Variants in GRM4 observed in about 807,000 individuals in gnomAD.
GRM4 encodes the protein metabotropic glutamate receptor 4.
In GRM4, 28 loss-of-function variants were observed where a neutral mutation model predicts 81.7. The observed-to-expected ratio is 0.34, with a 90% confidence interval of 0.25 to 0.47. The LOEUF (loss-of-function observed/expected upper bound fraction) is 0.47, where lower values mean the gene tolerates loss of function less well. Among genes scored for constraint, GRM4 ranks in the 20% least tolerant of loss-of-function variants. GRM4 has a pLI of 1.00. For missense variants in GRM4, 948 were observed against 1,290.0 expected (o/e 0.73, Z 4.06); for synonymous variants, 488 against 528.8 (o/e 0.92, Z 1.06).
chr6:34,151,888 G>A (rs999317412), intron 1 of GRM4, among the ~76,000 whole-genome samples: 34 of 152,240 alleles, frequency 2.2e-4, no homozygotes, highest in Admixed American at 1.7e-3. Flanking sequence ...GAGCCTTAGC[G>A]TCATCCACTG....
In GRM4 at chr6:34,114,856, G is replaced by A. The variant is rs1028870372; in HGVS notation, c.519+18122C>T. On this transcript the variant is annotated intron_variant, in intron 2 of 10. Transcript: ENST00000538487. This position sits in a 1 kb window ranked among gnomAD's most constrained non-coding sequence, Gnocchi z 4.3. The stretch of plus-strand genomic sequence containing the variant: ...AGGAAGGACCCAGATTTATTCACTC[G>A]GCAATCCTGCCCATCCCCACCACCT... Among the ~76,000 whole-genome samples, 3 of 152,042 alleles carry A rather than the reference G, an allele frequency of 2.0e-5. No individual in the cohort carries two copies. Among genetic ancestry groups the A allele is most frequent in the African/African-American group, 7.2e-5 (3 of 41,386 alleles).
chr6:34,153,925 C>CA (rs3041982), intron 1 of GRM4, among the ~76,000 whole-genome samples: 11,786 of 129,402 alleles, frequency 0.091, 1,213 homozygotes, highest in African/African-American at 0.25. Flanking sequence ...GACTCTGTCT[C>CA]AAAAAAAAAA....
chr6:34,051,881 C>T (rs1361246508), intron 6 of GRM4, among the ~76,000 whole-genome samples: 4 of 152,170 alleles, frequency 2.6e-5, no homozygotes, highest in Non-Finnish European at 4.4e-5. Context: ...GTGAGGAAAT[C>T]GAGGCCCCCA....
intron 9 of GRM4, among the ~76,000 whole-genome samples, chr6:34,030,609 G>A (rs9469688): frequency 6.9e-4 from 105 of 152,296 alleles, no homozygotes; most frequent in African/African-American, 1.1e-3. Flanking sequence ...CCAGCGCTAT[G>A]AGTGTACAAC....
chr6:34,046,837 T>A (rs1765386501), intron 6 of GRM4, among the ~76,000 whole-genome samples: 1 of 152,130 alleles, frequency 6.6e-6, no homozygotes, highest in African/African-American at 2.4e-5. Flanking sequence ...GAAGGTGAGG[T>A]GCCAGGCACA....
At chr6:34,099,832 G>A (rs1345947422) in intron 2 of GRM4, among the ~76,000 whole-genome samples, 1 of 152,142 alleles carries the variant, frequency 6.6e-6, no homozygotes, top group Non-Finnish European at 1.5e-5. Context: ...CCCAGATCGG[G>A]AGACTGTCTG....
rs576823132 is a variant in GRM4, at chr6:34,087,227, G to A, written c.736+4656C>T. On this transcript the variant is annotated intron_variant, in intron 3 of 10. Transcript: ENST00000538487. ...TGAAGTCAGGGATTCGAGACCAACC[G>A]GGCCAACATTGTGAAACCCCGTCTC... Among the ~76,000 whole-genome samples, 19 of 151,382 alleles carry A rather than the reference G, an allele frequency of 1.3e-4. No individual in the cohort carries two copies. In the East Asian group the frequency reaches 2.5e-3, roughly 20 times the overall value.
At chr6:34,126,790 G>A (rs780203047) in intron 2 of GRM4, among the ~76,000 whole-genome samples, 1 of 152,220 alleles carries the variant, frequency 6.6e-6, no homozygotes, top group African/African-American at 2.4e-5. Context: ...TCCATTTGGC[G>A]AGGGTTTCCT....
rs532636972 is a variant in GRM4, at chr6:34,044,193, C to T, written c.1169-3445G>A. ...ACATATACATACATACACATATATA[C>T]ACACACATATATATACATACATACA... On this transcript the variant is annotated intron_variant, in intron 6 of 10. Transcript: ENST00000538487. 1.8e-3 allele frequency among the ~76,000 whole-genome samples: 254 copies of T among 141,740 alleles called. 5 individuals are homozygous for T. Among genetic ancestry groups the T allele is most frequent in the African/African-American group, 7.5e-3 (246 of 32,946 alleles). The allele number at this position is 141,740 out of a possible 152,430, so 93.0% of individuals were successfully genotyped here.
intron 3 of GRM4, among the ~76,000 whole-genome samples, chr6:34,072,523 CAT>C (rs1420963864): frequency 2.0e-5 from 3 of 151,918 alleles, no homozygotes; most frequent in East Asian, 3.9e-4. Flanking sequence ...CACATCACCA[CAT>C]AGATACCCCA....
intron 2 of GRM4, chr6:34,103,799 TCTC>T (rs1768975057): frequency 6.9e-7 from 1 of 1,443,504 alleles, no homozygotes; most frequent in Admixed American, 2.7e-5. Flanking sequence ...TGAGCCTCAG[TCTC>T]CTCATCTGTC....
At chr6:34,100,998 T>C (rs913540635) in intron 2 of GRM4, among the ~76,000 whole-genome samples, 1 of 152,212 alleles carries the variant, frequency 6.6e-6, no homozygotes, top group Non-Finnish European at 1.5e-5. Flanking sequence ...TTTTTTGTTA[T>C]GGCAGCATCA....
intron 2 of GRM4, among the ~76,000 whole-genome samples, chr6:34,122,782 A>AG (rs1364592377): frequency 4.7e-5 from 7 of 149,734 alleles, no homozygotes; most frequent in African/African-American, 1.3e-4. Context: ...CACTGGAAGT[A>AG]GGGGGGGAAG....
At chr6:34,137,628 G>C (rs1770513278) in intron 1 of GRM4, among the ~76,000 whole-genome samples, 1 of 151,616 alleles carries the variant, frequency 6.6e-6, no homozygotes, top group African/African-American at 2.4e-5. Flanking sequence ...CTGTTGCCTA[G>C]GCTGGAGTGC....
intron 6 of GRM4, chr6:34,055,480 T>A (rs1765823400): frequency 6.6e-6 from 1 of 152,174 alleles, no homozygotes. Context: ...CTCCCCTGGC[T>A]CTGGAGGAGC....
At chr6:34,147,722 C>T (rs1770966106), upstream of GRM4, among the ~76,000 whole-genome samples, 1 of 152,148 alleles carries the variant, frequency 6.6e-6, no homozygotes, top group South Asian at 2.1e-4. Flanking sequence ...AGATGGGTTT[C>T]CTTTTTCTGA....
rs1474687915 is a variant in GRM4, at chr6:34,091,973, G to T, written c.646C>A (p.Leu216Ile). ...AQAMVDIVRA[L>I]KWNYVSTVAS... ...ACTGTGGACACATAGTTCCACTTGA[G>T]GGCACGGACGATGTCCACCATGGCC... Residue 216 changes from leucine to isoleucine, a missense_variant, in exon 3 of 11, where the codon CTC (leucine) becomes ATC (isoleucine). Physicochemically the swap from Leu to Ile is conservative, Grantham distance 5. Coordinates refer to ENST00000538487, the MANE Select transcript of GRM4 (RefSeq NM_000841.4). 1 of 1,614,042 alleles carries T rather than the reference G, an allele frequency of 6.2e-7. No homozygotes were observed. The highest frequency in any genetic ancestry group is 8.5e-7 in the Non-Finnish European group (1 of 1,179,984).
In GRM4 at chr6:34,133,792, G is replaced by C; in HGVS notation, c.-296C>G. The C allele has an allele frequency of 8.4e-7, 1 of 1,189,136 alleles. No individual in the cohort carries two copies. The highest frequency in any genetic ancestry group is 1.0e-6 in the Non-Finnish European group (1 of 960,744). 73.7% of individuals were successfully genotyped at this position (1,189,136 alleles called of 1,614,324 possible). On this transcript the variant is annotated 5_prime_UTR_variant, in exon 2 of 11. Transcript: ENST00000538487. This position sits in a 1 kb window ranked among gnomAD's most constrained non-coding sequence, Gnocchi z 6.5. Reference sequence around the variant, plus strand: ...TCGGTGGATGACTGTGGAAAGGGCAGAATGCTCCTAGCTTGGCGTATCTTG... The same window carrying C: ...TCGGTGGATGACTGTGGAAAGGGCACAATGCTCCTAGCTTGGCGTATCTTG...
intron 2 of GRM4, among the ~76,000 whole-genome samples, chr6:34,112,020 A>T (rs1208330459): frequency 6.6e-6 from 1 of 152,142 alleles, no homozygotes; most frequent in Non-Finnish European, 1.5e-5. Context: ...AAATAAACGT[A>T]GTGGAAGGGG....
Sources: allele counts gnomAD v4.1 joint callset (sites outside exome capture counted in the v4.1 genomes callset), GRCh38; gene constraint gnomAD v4.1.1; non-coding constraint Gnocchi (gnomAD v3.1); transcripts MANE v1.5; gene names NCBI Gene and HGNC (gene_info 2026-07-23, HGNC 2026-07-21).